Variants in TDRD12 observed in about 807,000 individuals in gnomAD.
The protein encoded by TDRD12 is tudor domain containing 12.
A neutral mutation model predicts 133.5 loss-of-function variants in TDRD12; 158 were observed. The observed-to-expected ratio is 1.18, with a 90% CI of 1.04 to 1.35. The LOEUF is 1.35. TDRD12 is among the 40% of genes most tolerant of loss of function. TDRD12 has a pLI of 0.00. For missense variants in TDRD12, 1,443 were observed against 1,321.3 expected (o/e 1.09, Z -1.43); for synonymous variants, 460 against 477.9 (o/e 0.96, Z 0.49).
chr19:32,754,790 C>A (rs983546967), intron 6 of TDRD12, among the ~76,000 whole-genome samples: 1 of 151,462 alleles, frequency 6.6e-6, no homozygotes, highest in Non-Finnish European at 1.5e-5. Flanking sequence ...AATTATCCAG[C>A]CTCAGCCTTC....
At chr19:32,794,357 G>C (rs995747281) in intron 13 of TDRD12, among the ~76,000 whole-genome samples, 1 of 151,792 alleles carries the variant, frequency 6.6e-6, no homozygotes. Context: ...CACCCACCTC[G>C]GCCTCCCAAA....
chr19:32,805,565 C>CT (rs903761434), intron 21 of TDRD12, among the ~76,000 whole-genome samples: 1 of 151,882 alleles, frequency 6.6e-6, no homozygotes, highest in Non-Finnish European at 1.5e-5. Flanking sequence ...TTTTTGGACT[C>CT]TATTCTGTTA....
intron 11 of TDRD12, among the ~76,000 whole-genome samples, chr19:32,786,929 A>G (rs1970924310): frequency 6.6e-6 from 1 of 152,084 alleles, no homozygotes; most frequent in South Asian, 2.1e-4. Context: ...ACTTCTGTCA[A>G]CTCATCAAAC....
chr19:32,799,128 G>C (rs1291060263), intron 16 of TDRD12, among the ~76,000 whole-genome samples: 2 of 152,206 alleles, frequency 1.3e-5, no homozygotes, highest in African/African-American at 4.8e-5. Flanking sequence ...TTGAGCTCTT[G>C]TAAGGCTTTT....
Position 32,797,726 on chromosome 19 carries a change from T to C in TDRD12, c.1474-9T>C. 1.5e-6 allele frequency: 1 copy of C among 663,894 alleles called. No homozygotes were observed. The highest frequency in any genetic ancestry group is 1.7e-5 in the South Asian group (1 of 60,376). The allele number at this position is 663,894 out of a possible 1,614,324, so 41.1% of individuals were successfully genotyped here. Reference sequence around the variant, plus strand: ...GTCTGGAGTCATTTGAATTTGTCTGTCTTCGCAGCCTCTCGCAGTCATCGT... The same window carrying C: ...GTCTGGAGTCATTTGAATTTGTCTGCCTTCGCAGCCTCTCGCAGTCATCGT... On this transcript the variant is annotated splice_polypyrimidine_tract_variant and intron_variant, in intron 14 of 27. Transcript: ENST00000444215.
downstream of TDRD12, among the ~76,000 whole-genome samples, chr19:32,822,228 G>A (rs930591521): frequency 2.6e-5 from 4 of 152,204 alleles, no homozygotes; most frequent in African/African-American, 9.6e-5. Context: ...TCAGGAGTTT[G>A]AGACCAGCCT....
At chr19:32,778,579 A>C (rs1422746432) in intron 11 of TDRD12, among the ~76,000 whole-genome samples, 2 of 152,090 alleles carry the variant, frequency 1.3e-5, no homozygotes, top group Non-Finnish European at 2.9e-5. Flanking sequence ...GGCTCACTGC[A>C]ACCTCCACCT....
downstream of TDRD12, among the ~76,000 whole-genome samples, chr19:32,821,547 C>A (rs1021841139): frequency 1.3e-5 from 2 of 152,272 alleles, no homozygotes; most frequent in East Asian, 1.9e-4. Context: ...AGAATACATT[C>A]TTTTATTTTA....
chr19:32,787,140 G>A (rs780732737), intron 11 of TDRD12, among the ~76,000 whole-genome samples: 5 of 150,630 alleles, frequency 3.3e-5, no homozygotes, highest in Admixed American at 6.6e-5. Flanking sequence ...TGATGTTGAT[G>A]CTATTCCTTT....
rs538529322 is a variant in TDRD12, at chr19:32,754,962, T to A, written c.583-1030T>A. 8.5e-5 allele frequency among the ~76,000 whole-genome samples: 13 copies of A among 152,282 alleles called. 1 individual carries two copies. In the South Asian group the frequency reaches 2.5e-3, roughly 29 times the overall value. ...GAGAGCTTATAATGCATGCATGAGA[T>A]CATAACTGCCGGAGGAAAAAATGTG... On this transcript the variant is annotated intron_variant, in intron 6 of 27. Transcript: ENST00000444215.
rs1568499243 is a variant in TDRD12 at position 32,821,064 on chromosome 19, C to A, written c.3415C>A (p.Gln1139Lys). Residue 1139 changes from glutamine (Q) to lysine (K), a missense_variant, in exon 28 of 28, where the codon CAG (glutamine) becomes AAG (lysine). By Grantham distance (53) the Gln-to-Lys change is moderately conservative. Transcript: ENST00000444215. ...TCCAGCAGAAGATGCTGCTTGCCTG[C>A]AGAGCCCCCAGCCTGAGGACACGGG... The A allele has an allele frequency of 3.3e-6, 5 of 1,535,894 alleles. No individual in the cohort carries two copies. In the East Asian group the frequency reaches 1.2e-4, roughly 38 times the overall value.
At chr19:32,790,627 G>C (rs1971042680) in intron 12 of TDRD12, 36 bp downstream of exon 12, 1 of 1,551,406 alleles carries the variant, frequency 6.4e-7, no homozygotes, top group East Asian at 2.4e-5. Context: ...AATAAAAAGA[G>C]AGAAAAAACT....
At chr19:32,722,015 C>T (rs540317119) in intron 1 of TDRD12, among the ~76,000 whole-genome samples, 5 of 152,218 alleles carry the variant, frequency 3.3e-5, no homozygotes, top group Admixed American at 2.0e-4. Flanking sequence ...CACGCCCGGC[C>T]GGTGCGATTT....
intron 4 of TDRD12, among the ~76,000 whole-genome samples, chr19:32,744,094 T>C (rs1969517276): frequency 6.6e-6 from 1 of 152,136 alleles, no homozygotes; most frequent in Admixed American, 6.5e-5. Context: ...TTTCTACTTT[T>C]AGTCTTTTTC....
intron 21 of TDRD12, among the ~76,000 whole-genome samples, chr19:32,806,576 A>C (rs1971556970): frequency 6.6e-6 from 1 of 151,984 alleles, no homozygotes; most frequent in African/African-American, 2.4e-5. Flanking sequence ...CCCTCACCTC[A>C]AGTGATCCGC....
chr19:32,745,079 C>A lies in TDRD12; in HGVS notation c.440+2179C>A, dbSNP rs190474607. Among the ~76,000 whole-genome samples the A allele has an allele frequency of 8.3e-3, 1,265 of 152,354 alleles. 18 individuals carry two copies. Among genetic ancestry groups the A allele is most frequent in the African/African-American group, 0.029 (1,192 of 41,580 alleles). Reference sequence around the variant, plus strand: ...AGGCCGCCCTCCAGCCAGCCCCCCCCACTACTCACCGAAGGCTCTGGGAGT... The same window carrying A: ...AGGCCGCCCTCCAGCCAGCCCCCCCAACTACTCACCGAAGGCTCTGGGAGT... On this transcript the variant is annotated intron_variant, in intron 4 of 27. Coordinates refer to ENST00000444215, the Ensembl canonical transcript of TDRD12.
chr19:32,742,674 G>T, intron 3 of TDRD12, 107 bp from the exon 4 acceptor site: 2 of 1,173,532 alleles, frequency 1.7e-6, no homozygotes, highest in Non-Finnish European at 2.3e-6. Context: ...ATTGTTTTTT[G>T]TGTGTTTTGT....
At chr19:32,745,949 T>TGA (rs142160167) in intron 4 of TDRD12, among the ~76,000 whole-genome samples, 2 of 115,314 alleles carry the variant, frequency 1.7e-5, no homozygotes, top group African/African-American at 3.5e-5. Flanking sequence ...TGTGTGTGTG[T>TGA]GAGAGAGAGA....
At chr19:32,783,804 ATTGAT>A (rs1970834239) in intron 11 of TDRD12, among the ~76,000 whole-genome samples, 1 of 152,210 alleles carries the variant, frequency 6.6e-6, no homozygotes, top group Non-Finnish European at 1.5e-5. Flanking sequence ...ATTTTTACAC[ATTGAT>A]TTTATATCCT....
Sources: allele counts gnomAD v4.1 joint callset (sites outside exome capture counted in the v4.1 genomes callset), GRCh38; gene constraint gnomAD v4.1.1; transcripts MANE v1.5; gene names NCBI Gene and HGNC (gene_info 2026-07-23, HGNC 2026-07-21).